Variants in MPDZ observed in about 807,000 individuals in gnomAD.
MPDZ encodes multiple PDZ domain protein.
In MPDZ, 234 loss-of-function variants were observed where a neutral mutation model predicts 239.1. The ratio of observed to expected loss-of-function variants is 0.98; its 90% CI spans 0.88 to 1.09. The LOEUF (loss-of-function observed/expected upper bound fraction) is 1.09. Among genes scored for constraint, MPDZ ranks in the 50% least tolerant of loss-of-function variants. The pLI, the probability that MPDZ is intolerant of heterozygous loss-of-function variation, is 0.00. For missense variants in MPDZ, 3,175 were observed against 2,510.0 expected (o/e 1.26, Z -5.66); for synonymous variants, 1,048 against 881.3 (o/e 1.19, Z -3.35).
intron 13 of MPDZ, among the ~76,000 whole-genome samples, chr9:13,193,932 A>G (rs1471304783): frequency 6.6e-6 from 1 of 152,202 alleles, no homozygotes; most frequent in Non-Finnish European, 1.5e-5. Flanking sequence ...ACTAAAAAAA[A>G]GTTTGATTAA....
chr9:13,143,485 A>G lies in MPDZ; in HGVS notation c.3821T>C (p.Leu1274Pro). Residue 1274 changes from leucine (L) to proline (P), a missense_variant, in exon 27 of 47, where the codon CTA becomes CCA. Leu to Pro is a moderately conservative substitution (Grantham distance 98, BLOSUM62 -3). Transcript: ENST00000319217. ...TCCAACCTTGTCGGCGTTGATTTGT[A>G]GAGAGTCAGCAAATGGGTTAGTGCT... ...FSSTNPFADSLQINADKAPSQ... is the reference protein window; with the variant it reads ...FSSTNPFADSPQINADKAPSQ... The G allele has an allele frequency of 6.2e-7, 1 of 1,612,408 alleles. No homozygotes were observed. The highest frequency in any genetic ancestry group is 1.7e-5 in the Admixed American group (1 of 59,970).
At chr9:13,201,621 T>A (rs1423938353) in intron 12 of MPDZ, among the ~76,000 whole-genome samples, 1 of 152,062 alleles carries the variant, frequency 6.6e-6, no homozygotes, top group Non-Finnish European at 1.5e-5. Context: ...AAATTCTTTT[T>A]TCTTTCTGCT....
At position 13,137,944 on chromosome 9, in the gene MPDZ, C is replaced by T; in HGVS notation, c.4200+13G>A. The T allele has an allele frequency of 1.2e-6, 2 of 1,612,800 alleles. No individual in the cohort carries two copies. The highest frequency in any genetic ancestry group is 1.3e-5 in the African/African-American group (1 of 74,996). On this transcript the variant is annotated intron_variant, in intron 29 of 46. Coordinates refer to ENST00000319217, the MANE Select transcript of MPDZ (RefSeq NM_001378778.1). ...AAACAAGAATAAATTCAAAATTTTC[C>T]ACAAAAACTTACCTCTAGAAGCTCA...
At chr9:13,187,405 G>C (rs1453151528) in intron 17 of MPDZ, among the ~76,000 whole-genome samples, 1 of 152,096 alleles carries the variant, frequency 6.6e-6, no homozygotes, top group African/African-American at 2.4e-5. Context: ...CCAACAGAAA[G>C]ACCAGAACCA....
intron 35 of MPDZ, among the ~76,000 whole-genome samples, chr9:13,123,753 A>AT (rs1291938136): frequency 6.6e-6 from 1 of 152,204 alleles, no homozygotes. Flanking sequence ...ACCACAAAAC[A>AT]TATCAATAAT....
chr9:13,123,116 G>A, intron 36 of MPDZ, 37 bp downstream of exon 36: 1 of 1,551,618 alleles, frequency 6.4e-7, no homozygotes, highest in South Asian at 1.3e-5. Flanking sequence ...CTGGCTGAAG[G>A]ACGGCCTGTA....
chr9:13,254,463 G>A (rs1968915930), intron 1 of MPDZ, among the ~76,000 whole-genome samples: 1 of 152,110 alleles, frequency 6.6e-6, no homozygotes, highest in South Asian at 2.1e-4. Context: ...AGAATACACA[G>A]TATATTGTTG....
At chr9:13,136,330 T>TTG (rs1946772411) in intron 30 of MPDZ, 148 bp from the exon 31 acceptor site, 1 of 435,444 alleles carries the variant, frequency 2.3e-6, no homozygotes. Context: ...GTTTTCTTTT[T>TTG]TTTTTTTTTT....
chr9:13,218,948 A>G lies in MPDZ; in HGVS notation c.1086+611T>C, dbSNP rs374918448. Among the ~76,000 whole-genome samples the G allele has an allele frequency of 5.3e-5, 8 of 152,084 alleles. No individual in the cohort carries two copies. The East Asian group carries it at 9.7e-4, about 18-fold the overall frequency. ...AGGATGGAATGCTATGCATATGAAT[A>G]AAGTTTTTGTTATAACACCAAAAGA... On this transcript the variant is annotated intron_variant, in intron 8 of 46. Transcript: ENST00000319217.
In MPDZ at chr9:13,137,980, G is replaced by T; in HGVS notation, c.4177C>A (p.Gln1393Lys). 6.2e-7 allele frequency: 1 copy of T among 1,613,736 alleles called. No individual in the cohort carries two copies. The highest frequency in any genetic ancestry group is 2.2e-5 in the East Asian group (1 of 44,828). ...ACCTCTAGAAGCTCATCTGCAATTT[G>T]CAATCGACCATCTTTTCCTGCAGCT... ...NGAAGKDGRL[Q>K]IADELLEING... The change falls in exon 29 of 47, where the codon CAA (glutamine) becomes AAA (lysine). Residue 1393 changes from glutamine to lysine, a missense_variant. Physicochemically the swap from Gln to Lys is moderately conservative, Grantham distance 53. Coordinates refer to ENST00000319217, the MANE Select transcript of MPDZ (RefSeq NM_001378778.1).
At chr9:13,163,065 T>C (rs1040626440) in intron 22 of MPDZ, among the ~76,000 whole-genome samples, 4 of 152,138 alleles carry the variant, frequency 2.6e-5, no homozygotes, top group Non-Finnish European at 4.4e-5. Flanking sequence ...AAAACAATTA[T>C]TTATATTATC....
chr9:13,176,071 G>A, intron 20 of MPDZ, 65 bp downstream of exon 20: 1 of 1,470,936 alleles, frequency 6.8e-7, no homozygotes, highest in Non-Finnish European at 9.0e-7. Context: ...AGATTAGCCA[G>A]AATAACCTTA....
intron 1 of MPDZ, among the ~76,000 whole-genome samples, chr9:13,275,248 T>G (rs544553284): frequency 6.6e-6 from 1 of 152,264 alleles, no homozygotes; most frequent in South Asian, 2.1e-4. Flanking sequence ...ATAACTGTAT[T>G]TGGAGATAAA....
At position 13,116,298 on chromosome 9, in the gene MPDZ, TG is replaced by T. The variant is rs561737010; in HGVS notation, c.5380-965del. Among the ~76,000 whole-genome samples the T allele has an allele frequency of 1.1e-4, 16 of 152,340 alleles. 1 individual carries two copies. In the East Asian group the frequency reaches 3.1e-3, roughly 29 times the overall value. On this transcript the variant is annotated intron_variant, in intron 39 of 46. Coordinates refer to ENST00000319217, the MANE Select transcript of MPDZ (RefSeq NM_001378778.1). ...TGATTTATTAGCTGTGTGACTGTAA[TG>T]GATGTTTAACCTTAATAAATCTTTT...
Position 13,125,248 on chromosome 9 carries a change from T to C in MPDZ, c.4775A>G (p.Gln1592Arg). Residue 1592 changes from glutamine to arginine, a missense_variant, in exon 35 of 47, where the codon CAG becomes CGG. Coordinates refer to ENST00000319217, the MANE Select transcript of MPDZ (RefSeq NM_001378778.1). ...GGACTCCGGTTCTGGGGAGCCAGAC[T>C]GTGGGACCATCAGAGACTGGGAGCT... ...KNSSQSLMVP[Q>R]SGSPEPESIR... 3 of 1,610,750 alleles carry C rather than the reference T, an allele frequency of 1.9e-6. No individual in the cohort carries two copies. The highest frequency in any genetic ancestry group is 2.5e-6 in the Non-Finnish European group (3 of 1,177,814).
chr9:13,215,563 C>T (rs1191216465), intron 10 of MPDZ, among the ~76,000 whole-genome samples: 2 of 151,394 alleles, frequency 1.3e-5, no homozygotes, highest in African/African-American at 4.8e-5. Flanking sequence ...CCTACTTTCT[C>T]ACTATTATTA....
At chr9:13,152,561 T>C (rs1253897876) in intron 24 of MPDZ, among the ~76,000 whole-genome samples, 2 of 152,128 alleles carry the variant, frequency 1.3e-5, no homozygotes, top group Non-Finnish European at 2.9e-5. Flanking sequence ...CCAAGTCACG[T>C]GGAACTGTGA....
intron 2 of MPDZ, among the ~76,000 whole-genome samples, 158 bp from the exon 3 acceptor site, chr9:13,247,959 G>A (rs908239161): frequency 1.3e-5 from 2 of 152,158 alleles, no homozygotes; most frequent in Non-Finnish European, 2.9e-5. Context: ...GGACCCAGTG[G>A]CTCATGCCTG....
chr9:13,230,268 C>T (rs1961977997), intron 3 of MPDZ, among the ~76,000 whole-genome samples: 1 of 152,060 alleles, frequency 6.6e-6, no homozygotes, highest in African/African-American at 2.4e-5. Context: ...ACTAGATATG[C>T]ATTTACCATA....
Sources: allele counts gnomAD v4.1 joint callset (sites outside exome capture counted in the v4.1 genomes callset), GRCh38; gene constraint gnomAD v4.1.1; transcripts MANE v1.5; gene names NCBI Gene and HGNC (gene_info 2026-07-23, HGNC 2026-07-21).